NME5: variants seen among roughly 807,000 people sequenced by gnomAD.
The protein encoded by NME5 is nucleoside diphosphate kinase 5.
A neutral mutation model predicts 21.6 loss-of-function variants in NME5; 18 were observed. The observed-to-expected ratio is 0.83, with a 90% CI of 0.58 to 1.24. The LOEUF (loss-of-function observed/expected upper bound fraction) is 1.24, where lower values mean the gene tolerates loss of function less well. Ranked by LOEUF, NME5 falls within the 50% of genes most tolerant of loss-of-function variation. NME5 has a pLI of 0.00. For synonymous variants in NME5, 70 were observed against 80.6 expected (o/e 0.87, Z 0.71); for missense variants, 223 against 255.4 (o/e 0.87, Z 0.86).
At chr5:138,129,849 C>T (rs1020627079) in intron 2 of NME5, among the ~76,000 whole-genome samples, 3 of 151,876 alleles carry the variant, frequency 2.0e-5, no homozygotes, top group African/African-American at 7.3e-5. Context: ...CCCAGCTACT[C>T]GGGAGGCTGA....
Position 138,129,449 on chromosome 5 carries a change from C to G in NME5, c.149G>C (p.Ser50Thr). Reference sequence around the variant, plus strand: ...ATAAAAGTTACTACATTGCTCAGGGCTGAGGCGTAGTTTTCTTCTCTATAA... The same window carrying G: ...ATAAAAGTTACTACATTGCTCAGGGGTGAGGCGTAGTTTTCTTCTCTATAA... ...TIVQRRKLRL[S>T]PEQCSNFYVE... is the part of the protein sequence containing the mutation. The change falls in exon 3 of 6, where the codon AGC becomes ACC. Residue 50 changes from serine (S) to threonine (T), a missense_variant. Physicochemically the swap from Ser to Thr is moderately conservative, Grantham distance 58. Transcript: ENST00000265191. 1 of 1,613,892 alleles carries G rather than the reference C, an allele frequency of 6.2e-7. No homozygotes were observed. Among genetic ancestry groups the G allele is most frequent in the South Asian group, 1.1e-5 (1 of 91,080 alleles).
In NME5 at chr5:138,129,384, C is replaced by G. The variant is rs1242076273; in HGVS notation, c.214G>C (p.Ala72Pro). ...ACAAGTGGTCCAGAACTCATGTAAG[C>G]TGTTAAGTTGGGGAAAAACATTTTT... ...YGKMFFPNLT[A>P]YMSSGPLVAM... is the part of the protein sequence containing the mutation. Residue 72 changes from alanine to proline, a missense_variant, in exon 3 of 6, where the codon GCT (alanine) becomes CCT (proline). By Grantham distance (27) the Ala-to-Pro change is conservative (BLOSUM62 -1). Coordinates refer to ENST00000265191, the MANE Select transcript of NME5 (RefSeq NM_003551.3). The G allele has an allele frequency of 1.9e-6, 3 of 1,613,828 alleles. No homozygotes were observed. The highest frequency in any genetic ancestry group is 2.5e-6 in the Non-Finnish European group (3 of 1,179,908).
In NME5 at chr5:138,115,776, A is replaced by C. The variant is rs1482299715; in HGVS notation, c.556-12T>G. 2.4e-5 allele frequency: 38 copies of C among 1,553,856 alleles called. No homozygotes were observed. Among genetic ancestry groups the C allele is most frequent in the Non-Finnish European group, 2.9e-5 (33 of 1,155,344 alleles). ...TCAGCTAGCCAAATCTATGGGAAAA[A>C]AAAAAACAACCTAAGTTAAGAAACA... is the stretch of plus-strand genomic sequence containing the variant. On this transcript the variant is annotated splice_polypyrimidine_tract_variant and intron_variant, in intron 5 of 5. Transcript: ENST00000265191.
At chr5:138,135,987 T>C (rs2151171335) in intron 2 of NME5, among the ~76,000 whole-genome samples, 1 of 152,342 alleles carries the variant, frequency 6.6e-6, no homozygotes, top group East Asian at 1.9e-4. Context: ...CCGTTAACAG[T>C]ACAGACAGGT....
chr5:138,129,605 A>C lies in NME5; in HGVS notation c.130-137T>G, dbSNP rs538087405. 6.2e-6 allele frequency: 4 copies of C among 648,600 alleles called. No individual in the cohort carries two copies. The Admixed American group carries it at 8.6e-5, about 14-fold the overall frequency. 40.2% of individuals were successfully genotyped at this position (648,600 alleles called of 1,614,324 possible). A position where few individuals can be genotyped will look rare whatever the true frequency, so the allele number is the denominator to read the frequency against. ...TATCTTTGTATTATGAAGAAAGAAA[A>C]GGATATAATTAAATGTATGCTGTAA... On this transcript the variant is annotated intron_variant, in intron 2 of 5. Transcript: ENST00000265191.
intron 2 of NME5, among the ~76,000 whole-genome samples, chr5:138,132,175 C>T (rs1248473735): frequency 2.6e-5 from 4 of 152,150 alleles, no homozygotes; most frequent in Non-Finnish European, 5.9e-5. Context: ...GCCTGGGCCA[C>T]ACGCAGAAAC....
At chr5:138,123,827 T>A (rs952642284) in intron 4 of NME5, among the ~76,000 whole-genome samples, 1 of 152,120 alleles carries the variant, frequency 6.6e-6, no homozygotes, top group Non-Finnish European at 1.5e-5. Flanking sequence ...GGCAGCACCA[T>A]TTTTAATCTC....
At chr5:138,131,277 A>G (rs1436028262) in intron 2 of NME5, among the ~76,000 whole-genome samples, 5 of 148,500 alleles carry the variant, frequency 3.4e-5, no homozygotes, top group Non-Finnish European at 1.5e-5. Context: ...GGTGCTTGGG[A>G]GGCTGAGGCA....
At chr5:138,134,748 C>T (rs1213301338) in intron 2 of NME5, among the ~76,000 whole-genome samples, 1 of 144,242 alleles carries the variant, frequency 6.9e-6, no homozygotes, top group African/African-American at 2.6e-5. Context: ...TTTTTTGAGA[C>T]GGAGTCTCGC....
rs70979583 is a variant in NME5 at position 138,123,985 on chromosome 5, C to CTTTTTTTT, written c.436+4486_436+4493dup. Among the ~76,000 whole-genome samples the CTTTTTTTT allele has an allele frequency of 1.3e-4, 5 of 37,248 alleles. 2 individuals are homozygous for CTTTTTTTT. Among genetic ancestry groups the CTTTTTTTT allele is most frequent in the Non-Finnish European group, 1.3e-4 (3 of 23,478 alleles). 24.4% of individuals were successfully genotyped at this position (37,248 alleles called of 152,430 possible). A position where few individuals can be genotyped will look rare whatever the true frequency, so the allele number is the denominator to read the frequency against. ...CCCTGATGATTAGTGATTTTGAGCA[C>CTTTTTTTT]TTTTTTTTTTTTTTTTTTTTTTTTT... On this transcript the variant is annotated intron_variant, in intron 4 of 5. Coordinates refer to ENST00000265191, the MANE Select transcript of NME5 (RefSeq NM_003551.3).
At chr5:138,115,999 C>G (rs1226370932) in intron 5 of NME5, among the ~76,000 whole-genome samples, 1 of 152,180 alleles carries the variant, frequency 6.6e-6, no homozygotes, top group South Asian at 2.1e-4. Context: ...ATGTGGAAAA[C>G]CCTAAGGAAT....
At chr5:138,121,530 G>C (rs1158215571) in intron 4 of NME5, among the ~76,000 whole-genome samples, 6 of 152,172 alleles carry the variant, frequency 3.9e-5, no homozygotes, top group Non-Finnish European at 5.9e-5. Flanking sequence ...TGGTAAGTTG[G>C]GGACTGTATT....
intron 2 of NME5, among the ~76,000 whole-genome samples, chr5:138,135,928 T>C (rs1292933588): frequency 6.6e-6 from 1 of 152,194 alleles, no homozygotes; most frequent in Non-Finnish European, 1.5e-5. Flanking sequence ...CACATGATTT[T>C]GTGTTTTTTT....
chr5:138,129,981 CAT>C (rs2151165826), intron 2 of NME5, among the ~76,000 whole-genome samples: 1 of 152,228 alleles, frequency 6.6e-6, no homozygotes, highest in East Asian at 1.9e-4. Flanking sequence ...CCTCCCTCAG[CAT>C]ATGTTTTGTC....
At chr5:138,116,115 T>A (rs1037365184) in intron 5 of NME5, 19 of 165,206 alleles carry the variant, frequency 1.2e-4, no homozygotes, top group Non-Finnish European at 2.2e-4. Flanking sequence ...CAAAAAAAAA[T>A]TTTAAATCAC....
At chr5:138,134,400 C>T (rs969672603) in intron 2 of NME5, among the ~76,000 whole-genome samples, 3 of 152,106 alleles carry the variant, frequency 2.0e-5, no homozygotes, top group Admixed American at 6.6e-5. Context: ...CCCACCACCA[C>T]GCCCGGCTAA....
intron 4 of NME5, among the ~76,000 whole-genome samples, chr5:138,123,517 C>T (rs1319564995): frequency 6.6e-6 from 1 of 152,148 alleles, no homozygotes; most frequent in African/African-American, 2.4e-5. Flanking sequence ...CCTCCAGGTT[C>T]ATCCATGTTG....
chr5:138,125,344 T>C (rs1453555253), intron 4 of NME5, among the ~76,000 whole-genome samples: 1 of 152,186 alleles, frequency 6.6e-6, no homozygotes, highest in Non-Finnish European at 1.5e-5. Flanking sequence ...ATAGCAAAAC[T>C]TTGAATTAGC....
At chr5:138,134,002 G>A (rs1305177926) in intron 2 of NME5, among the ~76,000 whole-genome samples, 1 of 152,136 alleles carries the variant, frequency 6.6e-6, no homozygotes, top group Non-Finnish European at 1.5e-5. Context: ...ATATTTTACC[G>A]CAATTAAAGC....
Sources: allele counts gnomAD v4.1 joint callset (sites outside exome capture counted in the v4.1 genomes callset), GRCh38; gene constraint gnomAD v4.1.1; transcripts MANE v1.5; gene names NCBI Gene and HGNC (gene_info 2026-07-23, HGNC 2026-07-21).